Variants in ATG5 observed in about 807,000 individuals in gnomAD.
ATG5 encodes autophagy related 5, also known as autophagy protein 5.
In ATG5, 14 loss-of-function variants were observed where a neutral mutation model predicts 36.5. The ratio of observed to expected loss-of-function variants is 0.38; its 90% CI spans 0.25 to 0.60. The LOEUF is 0.60. Among genes scored for constraint, ATG5 ranks in the 20% least tolerant of loss-of-function variants. ATG5 has a pLI of 0.60. For missense variants in ATG5, 195 were observed against 326.7 expected, an observed-to-expected ratio of 0.60 and a Z score of 3.11; for synonymous variants, 95 against 101.5, an observed-to-expected ratio of 0.94 and a Z score of 0.38.
intron 4 of ATG5, among the ~76,000 whole-genome samples, chr6:106,280,123 G>A (rs1160908150): frequency 1.3e-5 from 2 of 151,884 alleles, no homozygotes; most frequent in East Asian, 1.9e-4. Context: ...ATGTGGAATG[G>A]AGCCCTCACA....
intron 5 of ATG5, among the ~76,000 whole-genome samples, chr6:106,260,222 C>T (rs1323311088): frequency 6.6e-6 from 1 of 151,996 alleles, no homozygotes; most frequent in African/African-American, 2.4e-5. Context: ...CAAACCTGCA[C>T]GTTGTGCACA....
At chr6:106,299,586 C>T (rs893984851) in intron 3 of ATG5, among the ~76,000 whole-genome samples, 6 of 152,090 alleles carry the variant, frequency 3.9e-5, no homozygotes, top group African/African-American at 1.4e-4. Flanking sequence ...CTTTACATTG[C>T]TCTAGTCTTC....
chr6:106,303,974 G>GA (rs202110655), intron 3 of ATG5, among the ~76,000 whole-genome samples: 13,405 of 124,704 alleles, frequency 0.11, 650 homozygotes, highest in South Asian at 0.15. Flanking sequence ...CTCCAATAAG[G>GA]AAAAAAAAAA....
chr6:106,207,602 G>A (rs1776687060), intron 6 of ATG5, among the ~76,000 whole-genome samples: 1 of 152,082 alleles, frequency 6.6e-6, no homozygotes, highest in African/African-American at 2.4e-5. Context: ...AATGTAGCCA[G>A]TAGAGCCAAT....
chr6:106,269,073 T>G (rs1779339052), intron 5 of ATG5, among the ~76,000 whole-genome samples: 1 of 152,160 alleles, frequency 6.6e-6, no homozygotes, highest in Non-Finnish European at 1.5e-5. Flanking sequence ...ATTCTCTGAT[T>G]GGTGCGTTTA....
At chr6:106,187,722 T>G (rs1325808230) in intron 7 of ATG5, among the ~76,000 whole-genome samples, 1 of 152,194 alleles carries the variant, frequency 6.6e-6, no homozygotes, top group Admixed American at 6.5e-5. Flanking sequence ...CTGTAAGTGC[T>G]CTAAGGTCTG....
Position 106,235,418 on chromosome 6 carries a change from A to T in ATG5, c.573+12732T>A, listed in dbSNP as rs372492610. ...CCTACTATGCCCCAATTCCGCAGGA[A>T]GCAGTTAGACTGGTCGTCAGCCAAC... On this transcript the variant is annotated intron_variant, in intron 6 of 7. Transcript: ENST00000369076. Among the ~76,000 whole-genome samples the T allele has an allele frequency of 5.3e-5, 8 of 152,186 alleles. No individual in the cohort carries two copies. In the East Asian group the frequency reaches 1.3e-3, roughly 26 times the overall value.
chr6:106,190,325 A>G (rs1301909516), intron 7 of ATG5, among the ~76,000 whole-genome samples: 1 of 152,178 alleles, frequency 6.6e-6, no homozygotes, highest in Non-Finnish European at 1.5e-5. Flanking sequence ...GAGACAGTGA[A>G]CCCACTCTTG....
intron 4 of ATG5, among the ~76,000 whole-genome samples, chr6:106,280,878 A>G (rs1043821387): frequency 6.6e-5 from 10 of 152,168 alleles, no homozygotes; most frequent in African/African-American, 2.4e-4. Flanking sequence ...ACCACTGTAC[A>G]ATATCACTTC....
intron 4 of ATG5, among the ~76,000 whole-genome samples, chr6:106,291,320 G>T (rs1338150449): frequency 2.0e-5 from 3 of 152,178 alleles, no homozygotes. Context: ...CTAAGTGTGT[G>T]GTTATAAAGA....
chr6:106,185,393 A>G lies in ATG5; in HGVS notation c.*1147T>C, dbSNP rs1420574168. The G allele has an allele frequency of 6.5e-6, 1 of 152,734 alleles. No homozygotes were observed. The highest frequency in any genetic ancestry group is 1.5e-5 in the Non-Finnish European group (1 of 68,030). 9.5% of individuals were successfully genotyped at this position (152,734 alleles called of 1,614,324 possible). Reference sequence around the variant, plus strand: ...CACAAGAAATGAAATGTAATGCACAAATATGTTTGACTGGTAAAATCCCAG... The same window carrying G: ...CACAAGAAATGAAATGTAATGCACAGATATGTTTGACTGGTAAAATCCCAG... On this transcript the variant is annotated 3_prime_UTR_variant, in exon 8 of 8. Transcript: ENST00000369076.
At chr6:106,217,308 T>C (rs962510527) in intron 6 of ATG5, among the ~76,000 whole-genome samples, 2 of 152,134 alleles carry the variant, frequency 1.3e-5, no homozygotes, top group African/African-American at 4.8e-5. Flanking sequence ...ATTCATGTTC[T>C]GATACTGAAA....
At chr6:106,219,975 T>C (rs1045025802) in intron 6 of ATG5, among the ~76,000 whole-genome samples, 1 of 152,124 alleles carries the variant, frequency 6.6e-6, no homozygotes, top group African/African-American at 2.4e-5. Context: ...CCAAGCAATA[T>C]AACAGTGGTT....
At chr6:106,313,039 C>T (rs939860429) in intron 2 of ATG5, among the ~76,000 whole-genome samples, 1 of 151,978 alleles carries the variant, frequency 6.6e-6, no homozygotes, top group Admixed American at 6.6e-5. Flanking sequence ...TGTGAAGGAG[C>T]CAGCAGATAA....
intron 5 of ATG5, among the ~76,000 whole-genome samples, chr6:106,251,772 AAAG>A (rs887398168): frequency 1.1e-4 from 17 of 151,456 alleles, no homozygotes; most frequent in Admixed American, 3.3e-4. Flanking sequence ...GAAAAGAAGA[AAAG>A]AAAAGGAGGA....
At chr6:106,232,441 T>C (rs539064105) in intron 6 of ATG5, among the ~76,000 whole-genome samples, 16 of 152,194 alleles carry the variant, frequency 1.1e-4, no homozygotes, top group Non-Finnish European at 1.9e-4. Flanking sequence ...CACCTGAACA[T>C]AGGAGAACAC....
intron 3 of ATG5, among the ~76,000 whole-genome samples, chr6:106,298,421 T>C (rs184565071): frequency 2.0e-5 from 3 of 152,162 alleles, no homozygotes; most frequent in Admixed American, 1.3e-4. Context: ...CGTGGTGGCA[T>C]GCACCTGTAG....
At chr6:106,204,202 T>A (rs1776543154) in intron 6 of ATG5, among the ~76,000 whole-genome samples, 1 of 152,104 alleles carries the variant, frequency 6.6e-6, no homozygotes, top group Non-Finnish European at 1.5e-5. Context: ...ATTCTGCACA[T>A]GTATTCCAGA....
chr6:106,304,513 C>A (rs943343711), intron 3 of ATG5, among the ~76,000 whole-genome samples: 1 of 152,050 alleles, frequency 6.6e-6, no homozygotes, highest in African/African-American at 2.4e-5. Flanking sequence ...AAGGAAAAAA[C>A]CACTGATACA....
Sources: gnomAD v4.1 joint callset for allele counts (sites outside exome capture counted in the v4.1 genomes callset) on GRCh38, gnomAD v4.1.1 for gene constraint, MANE v1.5 for transcripts, NCBI Gene and HGNC (gene_info 2026-07-23, HGNC 2026-07-21) for gene names.